SLC25A13: variants seen among roughly 807,000 people sequenced by gnomAD.
SLC25A13 encodes the protein electrogenic aspartate/glutamate antiporter SLC25A13, mitochondrial.
SLC25A13 carries 70 observed loss-of-function variants against 85.5 expected under a neutral mutation model. The ratio of observed to expected loss-of-function variants is 0.82; its 90% confidence interval spans 0.68 to 1.00. The LOEUF (loss-of-function observed/expected upper bound fraction) is 1.00, where lower values mean the gene tolerates loss of function less well. Among genes scored for constraint, SLC25A13 ranks in the 50% least tolerant of loss-of-function variants. The pLI, the probability that SLC25A13 is intolerant of heterozygous loss-of-function variation, is 0.00. For synonymous variants in SLC25A13, 259 were observed against 288.7 expected (o/e 0.90, Z 1.04); for missense variants, 765 against 819.8 (o/e 0.93, Z 0.82).
intron 13 of SLC25A13, among the ~76,000 whole-genome samples, chr7:96,150,241 ATATT>A (rs1393045108): frequency 6.6e-6 from 1 of 152,024 alleles, no homozygotes; most frequent in African/African-American, 2.4e-5. Context: ...CATTCACCAA[ATATT>A]TATAAGCAAT....
At chr7:96,134,707 A>G (rs1435318685) in intron 14 of SLC25A13, among the ~76,000 whole-genome samples, 3 of 151,074 alleles carry the variant, frequency 2.0e-5, no homozygotes, top group Non-Finnish European at 2.9e-5. Flanking sequence ...AAGAGATGTG[A>G]GATGTACTTC....
chr7:96,279,375 C>A (rs979516128), intron 2 of SLC25A13, among the ~76,000 whole-genome samples: 2 of 152,106 alleles, frequency 1.3e-5, no homozygotes, highest in African/African-American at 4.8e-5. Context: ...GACATACCTG[C>A]GACTGGGTAA....
chr7:96,155,709 ACT>A (rs1400299255), intron 13 of SLC25A13, among the ~76,000 whole-genome samples: 1 of 152,092 alleles, frequency 6.6e-6, no homozygotes, highest in Non-Finnish European at 1.5e-5. Context: ...GGCCCTGCAA[ACT>A]CTCTCTTCTC....
intron 13 of SLC25A13, among the ~76,000 whole-genome samples, chr7:96,166,265 G>A (rs1246637886): frequency 6.6e-6 from 1 of 152,052 alleles, no homozygotes; most frequent in East Asian, 1.9e-4. Context: ...AAATACCCTG[G>A]ACCCATTATC....
At position 96,121,003 on chromosome 7, in the gene SLC25A13, A is replaced by T. The variant is rs1791474849; in HGVS notation, c.*188T>A. 1.3e-6 allele frequency: 1 copy of T among 749,428 alleles called. No individual in the cohort carries two copies. 46.4% of individuals were successfully genotyped at this position (749,428 alleles called of 1,614,324 possible). A position where few individuals can be genotyped will look rare whatever the true frequency, so the allele number is the denominator to read the frequency against. ...GGCAGAGGGCCAAATAATAATTATG[A>T]ATAATTTCACAATGATCTGGTTAAG... On this transcript the variant is annotated 3_prime_UTR_variant, in exon 18 of 18. Transcript: ENST00000265631.
intron 11 of SLC25A13, among the ~76,000 whole-genome samples, chr7:96,183,040 T>A (rs1475936182): frequency 6.6e-6 from 1 of 152,134 alleles, no homozygotes; most frequent in Non-Finnish European, 1.5e-5. Context: ...TGCAAAGTTG[T>A]TGCCATCAGG....
At chr7:96,173,370 C>T (rs1458541791) in intron 11 of SLC25A13, among the ~76,000 whole-genome samples, 1 of 152,186 alleles carries the variant, frequency 6.6e-6, no homozygotes, top group African/African-American at 2.4e-5. Flanking sequence ...GTAATTTCTT[C>T]CAAGTTACCT....
intron 5 of SLC25A13, among the ~76,000 whole-genome samples, chr7:96,196,054 C>T (rs937178877): frequency 1.2e-4 from 19 of 152,156 alleles, no homozygotes; most frequent in African/African-American, 4.6e-4. Flanking sequence ...ATAGTAGGTG[C>T]TCAATAAATG....
chr7:96,270,685 C>A (rs1380587076), intron 3 of SLC25A13, among the ~76,000 whole-genome samples: 1 of 152,104 alleles, frequency 6.6e-6, no homozygotes, highest in Non-Finnish European at 1.5e-5. Context: ...GGCAACAGAG[C>A]AAGACCCTTT....
chr7:96,227,192 T>C (rs112479726), intron 4 of SLC25A13, among the ~76,000 whole-genome samples: 1 of 152,220 alleles, frequency 6.6e-6, no homozygotes, highest in African/African-American at 2.4e-5. Flanking sequence ...TGCACCAGCA[T>C]CTTTAGATAA....
intron 4 of SLC25A13, among the ~76,000 whole-genome samples, chr7:96,221,076 C>A (rs1584474039): frequency 6.6e-6 from 1 of 152,192 alleles, no homozygotes; most frequent in African/African-American, 2.4e-5. Flanking sequence ...AATTATCCCA[C>A]CAACTGGAAG....
In SLC25A13 at chr7:96,239,446, G is replaced by A. The variant is rs372077603; in HGVS notation, c.213-4529C>T. On this transcript the variant is annotated intron_variant, in intron 3 of 17. Transcript: ENST00000265631. The stretch of plus-strand genomic sequence containing the variant: ...CTTTACAGATTTAATGAGCATTAAC[G>A]TAAGTTACAACAAAGAATTCAAGCT... Among the ~76,000 whole-genome samples, 50 of 151,742 alleles carry A rather than the reference G, an allele frequency of 3.3e-4. 2 individuals are homozygous for A. The South Asian group carries it at 6.0e-3, about 18-fold the overall frequency.
At position 96,193,164 on chromosome 7, in the gene SLC25A13, G is replaced by T. The variant is rs757853711; in HGVS notation, c.488C>A (p.Ala163Glu). 88 of 1,613,960 alleles carry T rather than the reference G, an allele frequency of 5.5e-5. No individual in the cohort carries two copies. The highest frequency in any genetic ancestry group is 7.3e-5 in the Non-Finnish European group (86 of 1,180,012). ...QFLLEIQLEH[A>E]KQAFVQRDNA... The stretch of plus-strand genomic sequence containing the variant: ...GTCCCGTTGCACAAAGGCTTGCTTT[G>T]CGTGCTCCAGTTGTATTTCCTACAA... The change falls in exon 6 of 18, where the codon GCA (alanine) becomes GAA (glutamate). Residue 163 changes from alanine (A) to glutamate (E), a missense_variant. Physicochemically the swap from Ala to Glu is moderately radical, Grantham distance 107. Transcript: ENST00000265631.
intron 15 of SLC25A13, among the ~76,000 whole-genome samples, chr7:96,129,878 T>G (rs2116417221): frequency 6.6e-6 from 1 of 152,292 alleles, no homozygotes; most frequent in South Asian, 2.1e-4. Context: ...GTAACAATGC[T>G]TAAGACACAA....
intron 13 of SLC25A13, among the ~76,000 whole-genome samples, chr7:96,162,663 G>C (rs1562805591): frequency 6.6e-6 from 1 of 152,118 alleles, no homozygotes; most frequent in Admixed American, 6.5e-5. Flanking sequence ...AGAAAGGCTA[G>C]GTGGCTGGCA....
intron 13 of SLC25A13, among the ~76,000 whole-genome samples, chr7:96,158,248 C>G (rs1793365843): frequency 6.6e-6 from 1 of 152,120 alleles, no homozygotes; most frequent in South Asian, 2.1e-4. Flanking sequence ...AAAATACAAG[C>G]CTTCTTACGC....
At chr7:96,287,603 C>T (rs1798940172) in intron 2 of SLC25A13, among the ~76,000 whole-genome samples, 1 of 152,180 alleles carries the variant, frequency 6.6e-6, no homozygotes, top group Non-Finnish European at 1.5e-5. Context: ...AAAGATACAT[C>T]GTTCCAAACT....
At chr7:96,176,799 A>G (rs1794239736) in intron 11 of SLC25A13, among the ~76,000 whole-genome samples, 1 of 152,158 alleles carries the variant, frequency 6.6e-6, no homozygotes, top group Non-Finnish European at 1.5e-5. Context: ...GAAACTCAAT[A>G]TTGCTGGCCT....
intron 11 of SLC25A13, among the ~76,000 whole-genome samples, chr7:96,171,833 GTGGACCACTTGATTTTCTA>G (rs1206456784): frequency 6.6e-6 from 1 of 152,102 alleles, no homozygotes; most frequent in Non-Finnish European, 1.5e-5. Context: ...TTCTAAATCA[GTGGACCACTTGATTTTCTA>G]AAACAAGGAC....
Sources: gnomAD v4.1 joint callset for allele counts (sites outside exome capture counted in the v4.1 genomes callset) on GRCh38, gnomAD v4.1.1 for gene constraint, MANE v1.5 for transcripts, NCBI Gene and HGNC (gene_info 2026-07-23, HGNC 2026-07-21) for gene names.